ROBO1: variants seen among roughly 807,000 people sequenced by gnomAD.
ROBO1 encodes roundabout guidance receptor 1, also known as roundabout homolog 1.
In ROBO1, 149 loss-of-function variants were observed where a neutral mutation model predicts 195.9. The ratio of observed to expected loss-of-function variants is 0.76; its 90% confidence interval spans 0.67 to 0.87. ROBO1 has a LOEUF of 0.87. Ranked by LOEUF, ROBO1 falls within the 40% of genes least tolerant of loss-of-function variation. The probability of loss-of-function intolerance (pLI) is 0.00; values close to 1 mark genes in which losing one functional copy is unlikely to be tolerated. For synonymous variants in ROBO1, 816 were observed against 733.2 expected, an observed-to-expected ratio of 1.11 and a Z score of -1.82; for missense variants, 1,933 against 2,068.3, an observed-to-expected ratio of 0.93 and a Z score of 1.27.
At chr3:79,113,350 A>G (rs916773932) in intron 3 of ROBO1, among the ~76,000 whole-genome samples, 1 of 152,156 alleles carries the variant, frequency 6.6e-6, no homozygotes, top group African/African-American at 2.4e-5. Flanking sequence ...AGCAATTGGC[A>G]AAATAACACA....
intron 2 of ROBO1, among the ~76,000 whole-genome samples, chr3:79,288,807 T>C: frequency 6.6e-6 from 1 of 152,200 alleles, no homozygotes; most frequent in East Asian, 1.9e-4. Flanking sequence ...TTTTCCAATT[T>C]CTACTCAGTT....
Position 78,746,747 on chromosome 3 carries a change from A to C in ROBO1, c.653T>G (p.Ile218Arg), listed in dbSNP as rs780374148. The change falls in exon 5 of 31, where the codon ATA (isoleucine) becomes AGA (arginine). Residue 218 changes from isoleucine (I) to arginine (R), a missense_variant. Around this residue, in one of 3 missense-constraint regions of ROBO1, gnomAD observed 1,737 missense variants for 1,882.5 expected, o/e 0.92. Coordinates refer to ENST00000464233, the MANE Select transcript of ROBO1 (RefSeq NM_002941.4). ...GCTGTTGAATTAAATACTCACAGTT[A>C]TTCTTTCATCTTTATCATCCAGTGG... ...GSPLDDKDER[I>R]TIRGGKLMIT... The C allele has an allele frequency of 3.3e-6, 5 of 1,515,024 alleles. No homozygotes were observed. In the South Asian group the frequency reaches 6.4e-5, roughly 19 times the overall value. The allele number at this position is 1,515,024 out of a possible 1,614,324, so 93.8% of individuals were successfully genotyped here.
intron 8 of ROBO1, among the ~76,000 whole-genome samples, chr3:78,697,922 T>C (rs1462365311): frequency 6.6e-6 from 1 of 152,140 alleles, no homozygotes; most frequent in Non-Finnish European, 1.5e-5. Flanking sequence ...AGAGAACAGC[T>C]GCTTTTTTTA....
intron 10 of ROBO1, among the ~76,000 whole-genome samples, chr3:78,680,987 G>T (rs1341910018): frequency 2.0e-5 from 3 of 151,686 alleles, no homozygotes; most frequent in Admixed American, 6.6e-5. Context: ...TACACACCAT[G>T]GAATACTATG....
chr3:78,901,004 T>C (rs2037549521), intron 4 of ROBO1, among the ~76,000 whole-genome samples: 1 of 152,066 alleles, frequency 6.6e-6, no homozygotes, highest in Non-Finnish European at 1.5e-5. Context: ...ACAGCCTCAG[T>C]ACAGAGAGAG....
chr3:78,652,713 T>C (rs771475311), intron 18 of ROBO1, among the ~76,000 whole-genome samples: 38 of 152,198 alleles, frequency 2.5e-4, no homozygotes, highest in Admixed American at 7.2e-4. Context: ...GGGTTATGAA[T>C]AGTCAAAAGG....
At chr3:78,846,638 T>C (rs1181953994) in intron 4 of ROBO1, among the ~76,000 whole-genome samples, 1 of 152,172 alleles carries the variant, frequency 6.6e-6, no homozygotes, top group African/African-American at 2.4e-5. Flanking sequence ...ATTTTGAGGA[T>C]ACCAACACAA....
intron 1 of ROBO1, among the ~76,000 whole-genome samples, chr3:79,648,311 G>C (rs1399207760): frequency 6.6e-6 from 1 of 151,996 alleles, no homozygotes; most frequent in African/African-American, 2.4e-5. Context: ...ATAATCCCTA[G>C]CCATAAACTT....
In ROBO1 at chr3:78,659,918, C is replaced by CTTTTTTTT. The variant is rs76880412; in HGVS notation, c.2321-119_2321-112dup. 65 of 406,108 alleles carry CTTTTTTTT rather than the reference C, an allele frequency of 1.6e-4. 1 individual carries two copies. In the African/African-American group the frequency reaches 1.6e-3, roughly 10 times the overall value. 25.2% of individuals were successfully genotyped at this position (406,108 alleles called of 1,614,324 possible). The stretch of plus-strand genomic sequence containing the variant: ...TGTATTAATACTATATCAATATATG[C>CTTTTTTTT]TTTTTTTTTTTTTTTTTTTTGAGAC... On this transcript the variant is annotated intron_variant, in intron 16 of 30. Transcript: ENST00000464233.
chr3:79,067,180 A>C (rs1209750540), intron 3 of ROBO1, among the ~76,000 whole-genome samples: 1 of 152,006 alleles, frequency 6.6e-6, no homozygotes, highest in Non-Finnish European at 1.5e-5. Flanking sequence ...GATATGTCTC[A>C]TGATTTTAAG....
intron 4 of ROBO1, among the ~76,000 whole-genome samples, chr3:78,806,754 C>T (rs2084553553): frequency 6.6e-6 from 1 of 151,966 alleles, no homozygotes; most frequent in Non-Finnish European, 1.5e-5. Flanking sequence ...TAAAGTAGGA[C>T]AATGTAATAT....
intron 2 of ROBO1, among the ~76,000 whole-genome samples, chr3:79,157,725 T>C (rs1216807474): frequency 6.6e-6 from 1 of 151,900 alleles, no homozygotes; most frequent in African/African-American, 2.4e-5. Flanking sequence ...GTGCATAAAG[T>C]AAAAATTTTA....
intron 3 of ROBO1, among the ~76,000 whole-genome samples, chr3:79,069,061 C>G (rs2079046919): frequency 6.6e-6 from 1 of 151,778 alleles, no homozygotes; most frequent in African/African-American, 2.4e-5. Flanking sequence ...TTTTTGATCA[C>G]TTCTGAAATT....
intron 1 of ROBO1, among the ~76,000 whole-genome samples, chr3:79,760,676 A>G (rs1356202625): frequency 2.0e-5 from 3 of 151,652 alleles, no homozygotes; most frequent in Non-Finnish European, 4.4e-5. Flanking sequence ...CAGAAAAGAC[A>G]AATTAAAACC....
chr3:79,629,476 G>A (rs955197017), intron 1 of ROBO1, among the ~76,000 whole-genome samples: 8 of 151,870 alleles, frequency 5.3e-5, no homozygotes, highest in African/African-American at 1.4e-4. Context: ...CCGAAACCTC[G>A]GGGATACAGA....
chr3:79,577,707 C>G (rs72905943), intron 2 of ROBO1, among the ~76,000 whole-genome samples: 4,637 of 146,854 alleles, frequency 0.032, 252 homozygotes, highest in African/African-American at 0.11. Flanking sequence ...GAAATCCTGT[C>G]TTTACTAAAA....
At chr3:79,336,200 G>T (rs973667442) in intron 2 of ROBO1, among the ~76,000 whole-genome samples, 2 of 152,182 alleles carry the variant, frequency 1.3e-5, no homozygotes, top group Non-Finnish European at 2.9e-5. Context: ...ATTTGCATAA[G>T]TAATGAGGAG....
rs145906374 is a variant in ROBO1 at position 79,105,162 on chromosome 3, A to G, written c.172+20294T>C. 5.9e-5 allele frequency among the ~76,000 whole-genome samples: 9 copies of G among 151,952 alleles called. No homozygotes were observed. In the East Asian group the frequency reaches 9.7e-4, roughly 16 times the overall value. On this transcript the variant is annotated intron_variant, in intron 3 of 30. Coordinates refer to ENST00000464233, the MANE Select transcript of ROBO1 (RefSeq NM_002941.4). ...GGTATAATTTGTATGAGAATGAAAG[A>G]TTTCTGTTTAACACACGTGGGGAAA...
chr3:78,953,157 A>T (rs1286585154), intron 3 of ROBO1, among the ~76,000 whole-genome samples: 1 of 152,026 alleles, frequency 6.6e-6, no homozygotes, highest in African/African-American at 2.4e-5. Flanking sequence ...GTTTTCTGTC[A>T]TGAGACCCAA....
Sources: gnomAD v4.1 joint callset for allele counts (sites outside exome capture counted in the v4.1 genomes callset) on GRCh38, gnomAD v4.1.1 for gene constraint, gnomAD v4.1.1 regional missense constraint, MANE v1.5 for transcripts, NCBI Gene and HGNC (gene_info 2026-07-23, HGNC 2026-07-21) for gene names.